STAU2: variants seen among roughly 807,000 people sequenced by gnomAD.
The protein encoded by STAU2 is double-stranded RNA-binding protein Staufen homolog 2.
A neutral mutation model predicts 65.9 loss-of-function variants in STAU2; 20 were observed. The ratio of observed to expected loss-of-function variants is 0.30; its 90% CI spans 0.21 to 0.44. The LOEUF (loss-of-function observed/expected upper bound fraction) is 0.44. STAU2 is among the 20% of genes least tolerant of loss of function. STAU2 has a pLI of 1.00. For missense variants in STAU2, 558 were observed against 683.9 expected (o/e 0.82, Z 2.05); for synonymous variants, 232 against 233.9 (o/e 0.99, Z 0.07).
intron 6 of STAU2, among the ~76,000 whole-genome samples, chr8:73,644,485 AAAAG>A (rs370255542): frequency 2.2e-3 from 331 of 152,184 alleles, no homozygotes; most frequent in African/African-American, 7.6e-3. Flanking sequence ...TCTGAGAAAA[AAAAG>A]AAAGAAAAGA....
chr8:73,651,347 C>A, intron 6 of STAU2: 1 of 684,294 alleles, frequency 1.5e-6, no homozygotes, highest in East Asian at 2.8e-5. Context: ...CTTCCAGCAC[C>A]ACCAGTACCT....
At chr8:73,581,772 TA>T (rs11331394) in intron 12 of STAU2, among the ~76,000 whole-genome samples, 148,455 of 152,278 alleles carry the variant, frequency 0.97, 72,378 homozygotes, top group East Asian at 1. Context: ...CTCACTGAAA[TA>T]ATTCTTTTCA....
At chr8:73,702,817 G>A (rs1820209180) in intron 4 of STAU2, among the ~76,000 whole-genome samples, 1 of 152,126 alleles carries the variant, frequency 6.6e-6, no homozygotes, top group Non-Finnish European at 1.5e-5. Context: ...CACTACGGAA[G>A]TGCAAACTGA....
chr8:73,550,322 T>C, intron 13 of STAU2: 1 of 983,300 alleles, frequency 1.0e-6, no homozygotes, highest in Non-Finnish European at 1.2e-6. Flanking sequence ...TTGACTACAG[T>C]GAAGATATGT....
intron 3 of STAU2, among the ~76,000 whole-genome samples, chr8:73,716,356 C>T (rs567861704): frequency 6.6e-6 from 1 of 152,316 alleles, no homozygotes; most frequent in African/African-American, 2.4e-5. Flanking sequence ...TCCCAAAGTG[C>T]TGGGATTACA....
At chr8:73,524,058 TGAAAGA>T (rs1387899140) in intron 13 of STAU2, among the ~76,000 whole-genome samples, 6 of 151,918 alleles carry the variant, frequency 3.9e-5, no homozygotes, top group African/African-American at 1.5e-4. Context: ...AAATAATATG[TGAAAGA>T]GAGACTACAG....
At chr8:73,437,627 G>A (rs1817807753) in intron 13 of STAU2, among the ~76,000 whole-genome samples, 1 of 152,192 alleles carries the variant, frequency 6.6e-6, no homozygotes, top group Non-Finnish European at 1.5e-5. Flanking sequence ...CCACAGTCAT[G>A]GAAAAATGAA....
intron 13 of STAU2, among the ~76,000 whole-genome samples, chr8:73,429,623 GGA>G (rs1253575887): frequency 6.6e-6 from 1 of 150,610 alleles, no homozygotes; most frequent in African/African-American, 2.4e-5. Context: ...TTTCTAGTAG[GGA>G]CAAAGTCCTG....
intron 12 of STAU2, among the ~76,000 whole-genome samples, chr8:73,582,069 T>C (rs1163556729): frequency 6.6e-6 from 1 of 152,114 alleles, no homozygotes; most frequent in Non-Finnish European, 1.5e-5. Context: ...TTTCAGGAAG[T>C]GAGGGAGAGT....
At chr8:73,517,680 C>T (rs1419368347) in intron 13 of STAU2, among the ~76,000 whole-genome samples, 1 of 151,450 alleles carries the variant, frequency 6.6e-6, no homozygotes, top group Admixed American at 6.6e-5. Flanking sequence ...TTTTTTAATT[C>T]TAAAATTTCA....
Position 73,657,840 on chromosome 8 carries a change from C to G in STAU2, c.410+15267G>C, listed in dbSNP as rs150629135. The stretch of plus-strand genomic sequence containing the variant: ...ACCAGCCAGGCCAAAATAGTGAAAC[C>G]TTGTCTCTACTAAAAATACAAAAAT... On this transcript the variant is annotated intron_variant, in intron 6 of 14. Coordinates refer to ENST00000524300, the MANE Select transcript of STAU2 (RefSeq NM_001164380.2). Among the ~76,000 whole-genome samples the G allele has an allele frequency of 7.4e-3, 1,118 of 151,750 alleles. 5 individuals carry two copies. The highest frequency in any genetic ancestry group is 0.016 in the South Asian group (77 of 4,778).
intron 6 of STAU2, among the ~76,000 whole-genome samples, chr8:73,652,070 G>GTAA (rs938367629): frequency 1.3e-5 from 2 of 152,150 alleles, no homozygotes; most frequent in African/African-American, 4.8e-5. Context: ...TGATAAAAGG[G>GTAA]TAATTTGTTT....
In STAU2 at chr8:73,673,138, T is replaced by C. The variant is rs776025586; in HGVS notation, c.379A>G (p.Asn127Asp). Reference protein sequence around the residue: ...DPKPFPNYRANYNFRGMYNQR... With the variant: ...DPKPFPNYRADYNFRGMYNQR... ...TTGTACATGCCCCGAAAGTTGTAAT[T>C]AGCTCTATAATTTGGGAATGGCTTT... Residue 127 changes from asparagine (N) to aspartate (D), a missense_variant, in exon 6 of 15, where the codon AAT becomes GAT. Physicochemically the swap from Asn to Asp is conservative, Grantham distance 23 (BLOSUM62 1). Transcript: ENST00000524300. 4 of 1,596,918 alleles carry C rather than the reference T, an allele frequency of 2.5e-6. No homozygotes were observed. The highest frequency in any genetic ancestry group is 3.4e-6 in the Non-Finnish European group (4 of 1,171,324).
intron 13 of STAU2, among the ~76,000 whole-genome samples, chr8:73,488,764 G>C (rs1821033867): frequency 1.3e-5 from 2 of 150,882 alleles, no homozygotes; most frequent in Admixed American, 1.3e-4. Flanking sequence ...TGATCTCCTG[G>C]GTCCTCAGAA....
chr8:73,608,612 TA>T (rs61070069), intron 9 of STAU2, among the ~76,000 whole-genome samples: 44 of 136,246 alleles, frequency 3.2e-4, no homozygotes, highest in Admixed American at 6.7e-4. Context: ...CTCCGTCCCA[TA>T]AAAAAAAAAA....
At chr8:73,527,536 A>G (rs4266643) in intron 13 of STAU2, 425,219 of 455,060 alleles carry the variant, frequency 0.93, 198,737 homozygotes, top group Admixed American at 0.95. Flanking sequence ...ATTTCCCAAC[A>G]CAAACAATTT....
At chr8:73,661,162 C>T (rs1321583949) in intron 6 of STAU2, among the ~76,000 whole-genome samples, 1 of 152,120 alleles carries the variant, frequency 6.6e-6, no homozygotes, top group Non-Finnish European at 1.5e-5. Context: ...ATCCACATAA[C>T]TATGATTCCA....
In STAU2 at chr8:73,420,942, C is replaced by A. The variant is rs562417494; in HGVS notation, c.*430G>T. The A allele has an allele frequency of 1.2e-5, 2 of 160,552 alleles. No individual in the cohort carries two copies. The highest frequency in any genetic ancestry group is 1.2e-4 in the Admixed American group (2 of 16,434). 9.9% of individuals were successfully genotyped at this position (160,552 alleles called of 1,614,324 possible). A position where few individuals can be genotyped will look rare whatever the true frequency, so the allele number is the denominator to read the frequency against. ...CCACAGCACATCATTGGTTCATTTT[C>A]GAATTGTCAAGCAGTATTTGAAATG... On this transcript the variant is annotated 3_prime_UTR_variant, in exon 15 of 15. Coordinates refer to ENST00000524300, the MANE Select transcript of STAU2 (RefSeq NM_001164380.2).
At chr8:73,613,092 G>A (rs946805305) in intron 9 of STAU2, among the ~76,000 whole-genome samples, 1 of 152,192 alleles carries the variant, frequency 6.6e-6, no homozygotes, top group African/African-American at 2.4e-5. Flanking sequence ...ACATCTGAAC[G>A]AATGGCAACA....
Sources: gnomAD v4.1 joint callset for allele counts (sites outside exome capture counted in the v4.1 genomes callset) on GRCh38, gnomAD v4.1.1 for gene constraint, MANE v1.5 for transcripts, NCBI Gene and HGNC (gene_info 2026-07-23, HGNC 2026-07-21) for gene names.